The following DNASE1 variants were observed in gnomAD, a reference collection of about 807,000 sequenced individuals.
DNASE1 encodes deoxyribonuclease-1.
In DNASE1, 40 loss-of-function variants were observed where a neutral mutation model predicts 33.9. The ratio of observed to expected loss-of-function variants is 1.18; its 90% confidence interval spans 0.92 to 1.54. The LOEUF is 1.54. DNASE1 is among the 40% of genes most tolerant of loss of function. The pLI is 0.00. For synonymous variants in DNASE1, 216 were observed against 160.0 expected (o/e 1.35, Z -2.64); for missense variants, 518 against 372.6 (o/e 1.39, Z -3.21).
exon 1 of DNASE1, chr16:3,611,971 A>G (rs1404031697): frequency 2.0e-5 from 3 of 152,296 alleles, no homozygotes; most frequent in African/African-American, 4.8e-5. Flanking sequence ...GAGAGGCACC[A>G]AATCTGGCCT....
At chr16:3,655,152 T>C in intron 1 of DNASE1, 108 bp downstream of exon 1, 1 of 627,522 alleles carries the variant, frequency 1.6e-6, no homozygotes, top group Non-Finnish European at 2.8e-6. Context: ...CCAGCGTCCC[T>C]CCCGGGCGGG....
chr16:3,646,413 A>T (rs2042173619), intron 1 of DNASE1, among the ~76,000 whole-genome samples: 1 of 152,050 alleles, frequency 6.6e-6, no homozygotes, highest in Non-Finnish European at 1.5e-5. Context: ...GCCATAAACG[A>T]GGGTAAACAG....
At chr16:3,645,874 G>A (rs1171727913) in intron 1 of DNASE1, among the ~76,000 whole-genome samples, 1 of 152,260 alleles carries the variant, frequency 6.6e-6, no homozygotes, top group Non-Finnish European at 1.5e-5. Flanking sequence ...AGTGCACTGG[G>A]CTGTGATGAC....
upstream of DNASE1, among the ~76,000 whole-genome samples, chr16:3,638,765 G>A (rs1472584935): frequency 6.6e-6 from 1 of 152,140 alleles, no homozygotes; most frequent in Non-Finnish European, 1.5e-5. Flanking sequence ...TTCCAATTAT[G>A]TGCACATTAG....
chr16:3,627,517 T>A (rs2041552802), intron 1 of DNASE1, among the ~76,000 whole-genome samples: 1 of 152,142 alleles, frequency 6.6e-6, no homozygotes, highest in African/African-American at 2.4e-5. Context: ...GCTCAAGTGA[T>A]CCTTCCACCT....
At chr16:3,652,199 G>A (rs2042358306), upstream of DNASE1, 1 of 152,386 alleles carries the variant, frequency 6.6e-6, no homozygotes, top group Non-Finnish European at 1.5e-5. Flanking sequence ...ATTTGGTCAA[G>A]AGCCAGGAGG....
chr16:3,644,962 CTACAAAAAA>C (rs1384427557), intron 1 of DNASE1, among the ~76,000 whole-genome samples: 1 of 151,678 alleles, frequency 6.6e-6, no homozygotes, highest in Non-Finnish European at 1.5e-5. Context: ...AACTCCATCT[CTACAAAAAA>C]TACAAAAAAT....
intron 1 of DNASE1, among the ~76,000 whole-genome samples, chr16:3,646,737 C>G (rs772201568): frequency 6.6e-6 from 1 of 152,232 alleles, no homozygotes; most frequent in South Asian, 2.1e-4. Flanking sequence ...GTGGGGACGG[C>G]TGGGACATGT....
intron 1 of DNASE1, among the ~76,000 whole-genome samples, chr16:3,625,254 C>T (rs906891789): frequency 2.6e-5 from 4 of 151,862 alleles, no homozygotes; most frequent in Admixed American, 1.3e-4. Context: ...TACAGTGAGC[C>T]GAGATCGTAC....
exon 10 of DNASE1, chr16:3,663,621 A>G: frequency 6.2e-7 from 1 of 1,605,512 alleles, no homozygotes; most frequent in Non-Finnish European, 8.5e-7. Context: ...ACCACAGAAG[A>G]AAGGATGAGG....
chr16:3,654,521 G>C (rs1466165352), upstream of DNASE1: 5 of 398,602 alleles, frequency 1.3e-5, no homozygotes, highest in African/African-American at 1.0e-4. Flanking sequence ...GGGGCCCCCA[G>C]ACAAGAGACA....
intron 7 of DNASE1, 73 bp downstream of exon 7, chr16:3,657,414 C>T: frequency 4.4e-6 from 7 of 1,575,864 alleles, no homozygotes; most frequent in Non-Finnish European, 5.2e-6. Context: ...GGTCGGGCTT[C>T]AGAAGCCTCA....
chr16:3,626,270 T>A (rs1026831318), intron 1 of DNASE1, among the ~76,000 whole-genome samples: 1 of 151,072 alleles, frequency 6.6e-6, no homozygotes, highest in Non-Finnish European at 1.5e-5. Context: ...AGTGTTCAAC[T>A]TATTTAGTCA....
chr16:3,629,106 A>G (rs2041617846), intron 1 of DNASE1, among the ~76,000 whole-genome samples: 1 of 139,302 alleles, frequency 7.2e-6, no homozygotes, highest in Non-Finnish European at 1.5e-5. Flanking sequence ...CTGGAGGCGG[A>G]GGTTGCAGTG....
intron 1 of DNASE1, among the ~76,000 whole-genome samples, chr16:3,621,561 G>A (rs926179101): frequency 4.6e-5 from 7 of 152,012 alleles, no homozygotes; most frequent in Admixed American, 1.3e-4. Context: ...ATATATCCCT[G>A]CTTTTCCCCA....
rs59621760 is a variant in DNASE1, at chr16:3,657,063, C to T, written c.501C>T (p.Asp167=). The change falls in exon 6 of 9, where the codon GAC becomes GAT. Residue 167 remains aspartate, a synonymous_variant. Coordinates refer to ENST00000246949, the MANE Select transcript of DNASE1 (RefSeq NM_005223.4). ...CGGGGGACGCAGTAGCCGAGATCGA[C>T]GCTCTCTATGACGTCTACCTGGATG... ...AAPGDAVAEI[D]ALYDVYLDVQ... 590 of 1,614,072 alleles carry T rather than the reference C, an allele frequency of 3.7e-4. No homozygotes were observed. The African/African-American group carries it at 6.5e-3, about 18-fold the overall frequency.
intron 1 of DNASE1, among the ~76,000 whole-genome samples, chr16:3,649,398 CCCT>C (rs1433758482): frequency 6.6e-6 from 1 of 152,172 alleles, no homozygotes; most frequent in East Asian, 1.9e-4. Flanking sequence ...CCTAGCATCC[CCCT>C]AAGGTGGCTG....
Position 3,656,145 on chromosome 16 carries a change from G to C in DNASE1, c.280G>C (p.Gly94Arg). 1 of 1,614,116 alleles carries C rather than the reference G, an allele frequency of 6.2e-7. No individual in the cohort carries two copies. The highest frequency in any genetic ancestry group is 8.5e-7 in the Non-Finnish European group (1 of 1,180,014). ...TCACTACGTGGTCAGTGAGCCACTGGGACGGAACAGCTATAAGGAGCGCTA... is the reference window on the plus strand; with the variant it reads ...TCACTACGTGGTCAGTGAGCCACTGCGACGGAACAGCTATAAGGAGCGCTA... ...TYHYVVSEPL[G>R]RNSYKERYLF... The change falls in exon 4 of 9, where the codon GGA becomes CGA. Residue 94 changes from glycine to arginine, a missense_variant. Coordinates refer to ENST00000246949, the MANE Select transcript of DNASE1 (RefSeq NM_005223.4).
chr16:3,662,837 G>C (rs762374327), downstream of DNASE1: 4 of 1,594,028 alleles, frequency 2.5e-6, no homozygotes, highest in Non-Finnish European at 3.4e-6. Flanking sequence ...CAGCCTGTTA[G>C]GGACACTGCG....
Sources: allele counts gnomAD v4.1 joint callset (sites outside exome capture counted in the v4.1 genomes callset), GRCh38; gene constraint gnomAD v4.1.1; transcripts MANE v1.5; gene names NCBI Gene and HGNC (gene_info 2026-07-23, HGNC 2026-07-21).